The following MAGI2 variants were observed in gnomAD, a reference collection of about 807,000 sequenced individuals.
The protein encoded by MAGI2 is membrane associated guanylate kinase, WW and PDZ domain containing 2.
MAGI2 carries 35 observed loss-of-function variants against 133.3 expected under a neutral mutation model. That is an observed-to-expected ratio of 0.26 (90% CI 0.20 to 0.35). The LOEUF (loss-of-function observed/expected upper bound fraction) is 0.35. MAGI2 is among the 10% of genes least tolerant of loss of function. MAGI2 has a pLI of 1.00. For synonymous variants in MAGI2, 729 were observed against 710.6 expected, an observed-to-expected ratio of 1.03 and a Z score of -0.41; for missense variants, 1,636 against 1,863.4, an observed-to-expected ratio of 0.88 and a Z score of 2.25.
intron 2 of MAGI2, among the ~76,000 whole-genome samples, chr7:78,741,376 AACACACAC>A (rs55784786): frequency 0.2 from 24,025 of 117,266 alleles, 2,661 homozygotes; most frequent in Admixed American, 0.26. Context: ...AAAAAGTTGA[AACACACAC>A]ACACACACAC....
chr7:78,220,991 T>C (rs772741133), intron 10 of MAGI2, among the ~76,000 whole-genome samples: 1 of 152,196 alleles, frequency 6.6e-6, no homozygotes, highest in Non-Finnish European at 1.5e-5. Context: ...CTCCCACCTC[T>C]CTAAGGCTAC....
chr7:78,857,730 T>A (rs575674442), intron 2 of MAGI2, among the ~76,000 whole-genome samples: 8 of 152,358 alleles, frequency 5.3e-5, no homozygotes, highest in African/African-American at 9.6e-5. Context: ...TTGTTGTGTC[T>A]CTGCCAGGCT....
chr7:78,452,270 T>A (rs4319010), intron 6 of MAGI2, among the ~76,000 whole-genome samples: 120,189 of 151,752 alleles, frequency 0.79, 48,366 homozygotes, highest in Admixed American at 0.87. Flanking sequence ...CCAGTTTTAT[T>A]TGACCCCAAA....
At chr7:78,326,560 A>G (rs1788608451) in intron 9 of MAGI2, among the ~76,000 whole-genome samples, 1 of 152,206 alleles carries the variant, frequency 6.6e-6, no homozygotes, top group South Asian at 2.1e-4. Flanking sequence ...ATGCACATGC[A>G]ACCTGTTTAC....
intron 2 of MAGI2, among the ~76,000 whole-genome samples, chr7:78,707,244 A>G (rs1818746179): frequency 6.6e-6 from 1 of 152,174 alleles, no homozygotes; most frequent in African/African-American, 2.4e-5. Context: ...AGGGAAAAAA[A>G]TGAAGAAAGG....
At chr7:79,302,925 A>C (rs1837497468) in intron 1 of MAGI2, among the ~76,000 whole-genome samples, 1 of 152,250 alleles carries the variant, frequency 6.6e-6, no homozygotes, top group Admixed American at 6.5e-5. Flanking sequence ...TAAAGATATT[A>C]GAGGATGTAC....
At chr7:78,972,938 TACACACACACAC>T in intron 2 of MAGI2, among the ~76,000 whole-genome samples, 1 of 148,356 alleles carries the variant, frequency 6.7e-6, no homozygotes, top group African/African-American at 2.5e-5. Context: ...TTGTTGCTTT[TACACACACACAC>T]ACACACACAC....
intron 6 of MAGI2, among the ~76,000 whole-genome samples, chr7:78,387,464 A>G (rs1182398840): frequency 6.6e-6 from 1 of 152,196 alleles, no homozygotes; most frequent in African/African-American, 2.4e-5. Context: ...CAATTGGGGA[A>G]AAGCCTGACA....
At chr7:78,203,966 C>T (rs778112919) in intron 10 of MAGI2, among the ~76,000 whole-genome samples, 1 of 152,100 alleles carries the variant, frequency 6.6e-6, no homozygotes, top group Non-Finnish European at 1.5e-5. Context: ...GAAATCTAGT[C>T]TATTTCAATT....
intron 6 of MAGI2, among the ~76,000 whole-genome samples, chr7:78,395,337 C>A (rs1796245437): frequency 6.6e-6 from 1 of 152,114 alleles, no homozygotes; most frequent in South Asian, 2.1e-4. Context: ...AAGGGGGAAG[C>A]AAGACAAATG....
At chr7:78,874,408 G>T (rs1192879438) in intron 2 of MAGI2, among the ~76,000 whole-genome samples, 1 of 152,106 alleles carries the variant, frequency 6.6e-6, no homozygotes, top group African/African-American at 2.4e-5. Context: ...TAGAGATAGG[G>T]TTCTGGCTTT....
chr7:78,913,695 T>G (rs1798584129), intron 2 of MAGI2, among the ~76,000 whole-genome samples: 1 of 152,216 alleles, frequency 6.6e-6, no homozygotes, highest in African/African-American at 2.4e-5. Flanking sequence ...TTTGACTTGC[T>G]GTTATGTTCC....
chr7:79,409,091 T>A (rs1392639569), intron 1 of MAGI2, among the ~76,000 whole-genome samples: 1 of 152,078 alleles, frequency 6.6e-6, no homozygotes, highest in East Asian at 1.9e-4. Flanking sequence ...TTAGTGTAGC[T>A]TATACAACAT....
intron 1 of MAGI2, among the ~76,000 whole-genome samples, chr7:79,037,046 T>G (rs951158481): frequency 6.6e-6 from 1 of 152,180 alleles, no homozygotes; most frequent in Admixed American, 6.5e-5. Context: ...CACTTTAACC[T>G]TTTTTGGACA....
At chr7:79,440,656 T>A (rs1848437369) in intron 1 of MAGI2, among the ~76,000 whole-genome samples, 1 of 152,170 alleles carries the variant, frequency 6.6e-6, no homozygotes, top group Non-Finnish European at 1.5e-5. Context: ...TAAAACATAT[T>A]TTTCCATTCC....
chr7:78,120,263 C>T (rs1347948471), intron 20 of MAGI2, among the ~76,000 whole-genome samples: 5 of 152,110 alleles, frequency 3.3e-5, no homozygotes, highest in East Asian at 1.9e-4. Flanking sequence ...ATTAGCCGGG[C>T]GTGGTGGCAG....
intron 2 of MAGI2, among the ~76,000 whole-genome samples, chr7:78,700,919 T>G (rs1817999813): frequency 6.6e-6 from 1 of 150,758 alleles, no homozygotes. Flanking sequence ...ATATTAAATT[T>G]AAATAAATTT....
intron 20 of MAGI2, among the ~76,000 whole-genome samples, chr7:78,118,891 A>G (rs2150490174): frequency 1.3e-5 from 2 of 152,360 alleles, no homozygotes; most frequent in South Asian, 4.1e-4. Flanking sequence ...CCACACAAAA[A>G]TCTGCACACA....
intron 3 of MAGI2, among the ~76,000 whole-genome samples, chr7:78,547,646 G>T (rs1158784477): frequency 6.6e-6 from 1 of 152,136 alleles, no homozygotes; most frequent in Non-Finnish European, 1.5e-5. Flanking sequence ...TCTATCACAA[G>T]GCACGCGCGC....
Sources: allele counts gnomAD v4.1 joint callset (sites outside exome capture counted in the v4.1 genomes callset), GRCh38; gene constraint gnomAD v4.1.1; transcripts MANE v1.5; gene names NCBI Gene and HGNC (gene_info 2026-07-23, HGNC 2026-07-21).